DCX: variants seen among roughly 807,000 people sequenced by gnomAD.
DCX encodes doublecortin, also known as neuronal migration protein doublecortin.
A neutral mutation model predicts 20.9 loss-of-function variants in DCX; 4 were observed. The ratio of observed to expected loss-of-function variants is 0.19; its 90% CI spans 0.09 to 0.44. DCX has a LOEUF of 0.44. Ranked by LOEUF, DCX falls within the 20% of genes least tolerant of loss-of-function variation. The pLI, the probability that DCX is intolerant of heterozygous loss-of-function variation, is 0.99. For missense variants in DCX, 133 were observed against 296.9 expected, an observed-to-expected ratio of 0.45 and a Z score of 4.06; for synonymous variants, 103 against 111.4, an observed-to-expected ratio of 0.92 and a Z score of 0.47.
At chrX:111,372,790 C>G (rs1925205629) in intron 3 of DCX, among the ~76,000 whole-genome samples, 1 of 111,831 alleles carries the variant, frequency 8.9e-6, no homozygotes, top group Non-Finnish European at 1.9e-5. Context: ...GCTGGAAAAT[C>G]AATTTCAAAG....
chrX:111,302,867 T>C (rs762619548), intron 6 of DCX, among the ~76,000 whole-genome samples: 30 of 111,929 alleles, frequency 2.7e-4, no homozygotes, highest in Admixed American at 2.2e-3. Context: ...TAATTAGATA[T>C]TGGGTTGCAA....
At chrX:111,354,828 G>A (rs1923597089) in intron 3 of DCX, among the ~76,000 whole-genome samples, 2 of 112,676 alleles carry the variant, frequency 1.8e-5, no homozygotes, top group African/African-American at 6.4e-5. Flanking sequence ...ATAGCAGCAG[G>A]ACAACCTGTT....
At chrX:111,355,284 C>A (rs1418938647) in intron 3 of DCX, among the ~76,000 whole-genome samples, 1 of 110,521 alleles carries the variant, frequency 9.0e-6, no homozygotes, top group Non-Finnish European at 1.9e-5. Context: ...GTCTTTGTAT[C>A]CACCCAGAGT....
chrX:111,365,444 A>G (rs1924547431), intron 3 of DCX, among the ~76,000 whole-genome samples: 1 of 110,546 alleles, frequency 9.0e-6, no homozygotes, highest in Non-Finnish European at 1.9e-5. Context: ...CATCCTGAAG[A>G]ATGGGGTATC....
At chrX:111,344,468 A>C (rs1484831477) in intron 3 of DCX, among the ~76,000 whole-genome samples, 1 of 111,608 alleles carries the variant, frequency 9.0e-6, no homozygotes, top group African/African-American at 3.3e-5. Context: ...TGTAGATGAC[A>C]TGATTTTACA....
chrX:111,345,800 A>G (rs1293615031), intron 3 of DCX, among the ~76,000 whole-genome samples: 1 of 112,023 alleles, frequency 8.9e-6, no homozygotes, highest in East Asian at 2.8e-4. Context: ...CTAGTTGTAG[A>G]TCCCTGAGGA....
chrX:111,308,380 C>T (rs2095050133), intron 6 of DCX, among the ~76,000 whole-genome samples: 1 of 111,485 alleles, frequency 9.0e-6, no homozygotes, highest in South Asian at 3.8e-4. Context: ...CCAAACGTGC[C>T]CTGTGCTTTT....
intron 3 of DCX, among the ~76,000 whole-genome samples, chrX:111,349,013 A>G (rs1239280616): frequency 9.0e-6 from 1 of 111,385 alleles, no homozygotes; most frequent in African/African-American, 3.3e-5. Context: ...GCCTTTTGAG[A>G]TCTATATCTT....
chrX:111,353,914 TG>T (rs1196027397), intron 3 of DCX, among the ~76,000 whole-genome samples: 1 of 112,077 alleles, frequency 8.9e-6, no homozygotes, highest in Non-Finnish European at 1.9e-5. Flanking sequence ...TTTTGGACCT[TG>T]TTTATACAAT....
intron 5 of DCX, among the ~76,000 whole-genome samples, chrX:111,316,090 A>AAATAATTTAATTAATT (rs1569486381): frequency 1.6e-4 from 13 of 82,824 alleles, no homozygotes; most frequent in Middle Eastern, 5.6e-3. Flanking sequence ...AAAAAATAAA[A>AAATAATTTAATTAATT]AAAAAAAAAA....
At chrX:111,359,904 G>A (rs915507501) in intron 3 of DCX, among the ~76,000 whole-genome samples, 1 of 111,697 alleles carries the variant, frequency 9.0e-6, no homozygotes, top group Non-Finnish European at 1.9e-5. Context: ...ATGGGTATAA[G>A]TATACATTTA....
intron 3 of DCX, among the ~76,000 whole-genome samples, chrX:111,391,291 T>C (rs750124353): frequency 1.1e-4 from 12 of 111,349 alleles, no homozygotes; most frequent in Non-Finnish European, 2.1e-4. Context: ...CCTTGCTTCC[T>C]CTTCACCTTC....
At chrX:111,371,244 T>C (rs911199147) in intron 3 of DCX, among the ~76,000 whole-genome samples, 12 of 112,460 alleles carry the variant, frequency 1.1e-4, no homozygotes, top group Non-Finnish European at 2.3e-4. Context: ...GAACGTTTTC[T>C]TATGCATCTT....
At chrX:111,310,156 C>T (rs1050134836) in intron 6 of DCX, among the ~76,000 whole-genome samples, 9 of 111,375 alleles carry the variant, frequency 8.1e-5, no homozygotes, top group Non-Finnish European at 1.5e-4. Context: ...CACGGTGAAA[C>T]CTCGTCTCTA....
intron 5 of DCX, among the ~76,000 whole-genome samples, chrX:111,313,427 G>A (rs1304946532): frequency 9.0e-6 from 1 of 110,740 alleles, no homozygotes; most frequent in Non-Finnish European, 1.9e-5. Context: ...AATCAAAAAA[G>A]AGAGAATGAC....
chrX:111,394,917 C>T (rs762779074), intron 3 of DCX, among the ~76,000 whole-genome samples: 11 of 111,985 alleles, frequency 9.8e-5, no homozygotes, highest in Non-Finnish European at 3.8e-5. Flanking sequence ...GGGGGTCAAA[C>T]GAAAATTACA....
At chrX:111,408,632 G>GAGTAAGAA (rs1928409303) in intron 2 of DCX, among the ~76,000 whole-genome samples, 2 of 78,006 alleles carry the variant, frequency 2.6e-5, no homozygotes, top group Non-Finnish European at 4.9e-5. Flanking sequence ...AGAAAGAAAA[G>GAGTAAGAA]AGAAAGAAAG....
Position 111,323,748 on chromosome X carries a change from G to A in DCX, c.946+7156C>T, listed in dbSNP as rs1034224471. On this transcript the variant is annotated intron_variant, in intron 5 of 6. Transcript: ENST00000636035. ...GGTCAATGAACAGTGTGGAGCCACT[G>A]AAAGTTTTGGAGCAGGGAAGTAGCA... Among the ~76,000 whole-genome samples, 16 of 110,001 alleles carry A rather than the reference G, an allele frequency of 1.5e-4. No homozygotes were observed. In the Admixed American group the frequency reaches 1.6e-3, roughly 11 times the overall value.
At chrX:111,319,547 T>C (rs751898893) in intron 5 of DCX, among the ~76,000 whole-genome samples, 116 of 112,202 alleles carry the variant, frequency 1.0e-3, no homozygotes, top group Non-Finnish European at 1.9e-3. Context: ...CAAATGCACT[T>C]TGGAAAAGGC....
Sources: gnomAD v4.1 joint callset for allele counts (sites outside exome capture counted in the v4.1 genomes callset) on GRCh38, gnomAD v4.1.1 for gene constraint, MANE v1.5 for transcripts, NCBI Gene and HGNC (gene_info 2026-07-23, HGNC 2026-07-21) for gene names.